Variants in ACTR5 observed in about 807,000 individuals in gnomAD.
The protein encoded by ACTR5 is actin related protein 5.
In ACTR5, 43 loss-of-function variants were observed where a neutral mutation model predicts 61.2. The observed-to-expected ratio is 0.70, with a 90% CI of 0.55 to 0.91. The LOEUF is 0.91. Among genes scored for constraint, ACTR5 ranks in the 40% least tolerant of loss-of-function variants. The pLI is 0.00. For synonymous variants in ACTR5, 333 were observed against 310.5 expected, an observed-to-expected ratio of 1.07 and a Z score of -0.76; for missense variants, 798 against 782.2, an observed-to-expected ratio of 1.02 and a Z score of -0.24.
intron 4 of ACTR5, 80 bp downstream of exon 4, chr20:38,755,254 G>A (rs1247371183): frequency 2.1e-6 from 3 of 1,421,590 alleles, no homozygotes; most frequent in South Asian, 2.9e-5. Context: ...TTTTTCCATT[G>A]GCCTTAAGAT....
At chr20:38,764,588 C>A in intron 5 of ACTR5, among the ~76,000 whole-genome samples, 1 of 152,210 alleles carries the variant, frequency 6.6e-6, no homozygotes. Flanking sequence ...CACTCTGCTA[C>A]CTTGGAGCCT....
chr20:38,754,452 C>A (rs2084405795), intron 3 of ACTR5, among the ~76,000 whole-genome samples: 1 of 152,000 alleles, frequency 6.6e-6, no homozygotes. Context: ...GGCATGGGGG[C>A]TCATAGCTGT....
At chr20:38,770,095 G>A (rs866517481) in intron 8 of ACTR5, among the ~76,000 whole-genome samples, 2 of 152,072 alleles carry the variant, frequency 1.3e-5, no homozygotes, top group Admixed American at 1.3e-4. Context: ...GTGTCACCTG[G>A]CCTAGCCTCA....
intron 8 of ACTR5, among the ~76,000 whole-genome samples, chr20:38,768,541 GT>G (rs1601205108): frequency 6.6e-6 from 1 of 152,318 alleles, no homozygotes; most frequent in East Asian, 1.9e-4. Context: ...AGCACATTAA[GT>G]GTTGCCAACC....
At chr20:38,767,076 G>A (rs573625540) in intron 7 of ACTR5, among the ~76,000 whole-genome samples, 1 of 152,348 alleles carries the variant, frequency 6.6e-6, no homozygotes, top group South Asian at 2.1e-4. Context: ...CCTCAAAAGG[G>A]AGGCATGGCT....
intron 4 of ACTR5, among the ~76,000 whole-genome samples, chr20:38,755,593 C>G (rs1346560216): frequency 1.3e-5 from 2 of 150,402 alleles, no homozygotes; most frequent in African/African-American, 2.5e-5. Context: ...TCACATCCCC[C>G]GCCCCACCAA....
chr20:38,751,221 G>A (rs1029870930), intron 2 of ACTR5, among the ~76,000 whole-genome samples: 17 of 152,108 alleles, frequency 1.1e-4, no homozygotes, highest in African/African-American at 4.1e-4. Context: ...TTCCTGATAC[G>A]TAAAATTGGG....
At chr20:38,769,555 G>A (rs773117274) in intron 8 of ACTR5, among the ~76,000 whole-genome samples, 5 of 152,156 alleles carry the variant, frequency 3.3e-5, no homozygotes, top group African/African-American at 4.8e-5. Flanking sequence ...GAGGAGCCGC[G>A]GGAGGGAGGA....
At position 38,752,282 on chromosome 20, in the gene ACTR5, G is replaced by A. The variant is rs768832312; in HGVS notation, c.757G>A (p.Ala253Thr). The A allele has an allele frequency of 2.7e-5, 44 of 1,609,662 alleles. No homozygotes were observed. The highest frequency in any genetic ancestry group is 3.4e-5 in the Non-Finnish European group (40 of 1,176,778). Residue 253 changes from alanine (A) to threonine (T), a missense_variant, in exon 3 of 9, where the codon GCT becomes ACT. Transcript: ENST00000243903. ...EEILHEHSYI[A>T]EDYVEELHKW... The stretch of plus-strand genomic sequence containing the variant: ...GATTCTGCATGAGCACAGCTACATC[G>A]CTGAGGATTATGTGGAAGGTATCCA...
chr20:38,769,373 C>T (rs987571452), intron 8 of ACTR5, among the ~76,000 whole-genome samples: 13 of 152,150 alleles, frequency 8.5e-5, no homozygotes, highest in African/African-American at 1.4e-4. Flanking sequence ...GCAGGAAATA[C>T]AAAAGCAGTG....
intron 8 of ACTR5, among the ~76,000 whole-genome samples, chr20:38,771,168 C>CTACTA (rs2084517704): frequency 6.6e-6 from 1 of 152,220 alleles, no homozygotes; most frequent in Non-Finnish European, 1.5e-5. Context: ...TGCCTTGCAG[C>CTACTA]GGCCCCTGTT....
chr20:38,750,795 A>G (rs2084383104), intron 2 of ACTR5, among the ~76,000 whole-genome samples: 1 of 151,488 alleles, frequency 6.6e-6, no homozygotes, highest in Non-Finnish European at 1.5e-5. Context: ...TTCCTGGCTA[A>G]TTTTTTTTAT....
intron 8 of ACTR5, among the ~76,000 whole-genome samples, chr20:38,769,121 A>G (rs544540250): frequency 1.0e-3 from 153 of 152,146 alleles, no homozygotes; most frequent in African/African-American, 3.6e-3. Flanking sequence ...GCTAACCACT[A>G]TTAGTTTTCC....
chr20:38,769,281 T>G (rs1432916005), intron 8 of ACTR5, among the ~76,000 whole-genome samples: 1 of 152,162 alleles, frequency 6.6e-6, no homozygotes, highest in African/African-American at 2.4e-5. Flanking sequence ...CCTTACAAGA[T>G]CCACCTCTTG....
chr20:38,767,469 C>T lies in ACTR5; in HGVS notation c.1439C>T (p.Pro480Leu). 1 of 1,613,464 alleles carries T rather than the reference C, an allele frequency of 6.2e-7. No individual in the cohort carries two copies. The highest frequency in any genetic ancestry group is 8.5e-7 in the Non-Finnish European group (1 of 1,179,790). Residue 480 changes from proline to leucine, a missense_variant, in exon 8 of 9, where the codon CCA becomes CTA. By Grantham distance (98) the Pro-to-Leu change is moderately conservative. Transcript: ENST00000243903. Reference sequence around the variant, plus strand: ...AGGAGTTGTTTCTTTCCTAGGTACCCAAAGGACATTCAGGAAATGCTGGTT... The same window carrying T: ...AGGAGTTGTTTCTTTCCTAGGTACCTAAAGGACATTCAGGAAATGCTGGTT... ...ETLQYILDRY[P>L]KDIQEMLVQN...
At chr20:38,771,325 T>C (rs1187608680) in intron 8 of ACTR5, among the ~76,000 whole-genome samples, 2 of 152,162 alleles carry the variant, frequency 1.3e-5, no homozygotes, top group African/African-American at 2.4e-5. Flanking sequence ...TGACCCCGAG[T>C]GTCAGGTCTT....
At chr20:38,751,827 C>T (rs1386892229) in intron 2 of ACTR5, among the ~76,000 whole-genome samples, 1 of 152,130 alleles carries the variant, frequency 6.6e-6, no homozygotes, top group African/African-American at 2.4e-5. Flanking sequence ...TTTCCCCCAG[C>T]TAATTCTGGG....
intron 5 of ACTR5, among the ~76,000 whole-genome samples, chr20:38,763,307 G>A (rs1398361523): frequency 3.3e-5 from 5 of 152,192 alleles, no homozygotes; most frequent in African/African-American, 1.2e-4. Flanking sequence ...GCCAGAATAG[G>A]CACAGACACT....
intron 3 of ACTR5, 77 bp from the exon 4 acceptor site, chr20:38,754,880 C>T (rs2084410226): frequency 6.1e-6 from 9 of 1,478,692 alleles, no homozygotes; most frequent in Admixed American, 3.5e-5. Flanking sequence ...TGAGCCCCTG[C>T]GCCCAGCTGG....
Sources: gnomAD v4.1 joint callset for allele counts (sites outside exome capture counted in the v4.1 genomes callset) on GRCh38, gnomAD v4.1.1 for gene constraint, MANE v1.5 for transcripts, NCBI Gene and HGNC (gene_info 2026-07-23, HGNC 2026-07-21) for gene names.